Variants in CSMD1 observed in about 807,000 individuals in gnomAD.
CSMD1 encodes the protein CUB and sushi domain-containing protein 1.
A neutral mutation model predicts 417.5 loss-of-function variants in CSMD1; 213 were observed. The ratio of observed to expected loss-of-function variants is 0.51; its 90% confidence interval spans 0.46 to 0.57. The LOEUF is 0.57. Ranked by LOEUF, CSMD1 falls within the 20% of genes least tolerant of loss-of-function variation. CSMD1 has a pLI of 0.00. For synonymous variants in CSMD1, 2,862 were observed against 1,736.8 expected, an observed-to-expected ratio of 1.65 and a Z score of -16.11; for missense variants, 6,923 against 4,529.7, an observed-to-expected ratio of 1.53 and a Z score of -15.17.
intron 3 of CSMD1, among the ~76,000 whole-genome samples, chr8:4,287,969 A>G (rs1412686706): frequency 1.3e-5 from 2 of 152,128 alleles, no homozygotes; most frequent in Admixed American, 1.3e-4. Flanking sequence ...TCCCAAGACA[A>G]TATGATAATA....
In CSMD1 at chr8:4,083,578, G is replaced by C. The variant is rs181742964; in HGVS notation, c.416-51479C>G. ...TGATCTTTGACAAACCTGACAAAAA[G>C]AAGAAATGGGGAAAGGATTCCCTAT... On this transcript the variant is annotated intron_variant, in intron 3 of 69. Transcript: ENST00000635120. Among the ~76,000 whole-genome samples, 26 of 152,258 alleles carry C rather than the reference G, an allele frequency of 1.7e-4. No homozygotes were observed. The East Asian group carries it at 4.3e-3, about 25-fold the overall frequency.
intron 3 of CSMD1, among the ~76,000 whole-genome samples, chr8:4,397,722 A>T (rs1277984625): frequency 6.6e-6 from 1 of 152,062 alleles, no homozygotes; most frequent in Non-Finnish European, 1.5e-5. Flanking sequence ...CTAGATTTGA[A>T]TCTCAAAATA....
intron 5 of CSMD1, among the ~76,000 whole-genome samples, chr8:3,862,643 T>C (rs1224164288): frequency 6.6e-6 from 1 of 152,230 alleles, no homozygotes; most frequent in African/African-American, 2.4e-5. Flanking sequence ...ATAAACCAAA[T>C]CTCTAAATAT....
intron 2 of CSMD1, among the ~76,000 whole-genome samples, chr8:4,434,147 G>C (rs1313183715): frequency 1.3e-5 from 2 of 152,140 alleles, no homozygotes; most frequent in Non-Finnish European, 2.9e-5. Context: ...AGAACAGCTT[G>C]GCCAACATGG....
chr8:3,141,840 C>A (rs1380602501), intron 41 of CSMD1, among the ~76,000 whole-genome samples: 1 of 151,514 alleles, frequency 6.6e-6, no homozygotes, highest in African/African-American at 2.4e-5. Flanking sequence ...CTCTGTCGCC[C>A]AGGCTGGAGT....
intron 3 of CSMD1, among the ~76,000 whole-genome samples, chr8:4,204,451 G>T (rs577699749): frequency 1.3e-5 from 2 of 152,040 alleles, no homozygotes; most frequent in South Asian, 4.2e-4. Context: ...TTTCCTTCAT[G>T]AACACCTGAG....
chr8:3,589,543 G>C (rs1189624950), intron 8 of CSMD1, among the ~76,000 whole-genome samples: 1 of 152,216 alleles, frequency 6.6e-6, no homozygotes, highest in Non-Finnish European at 1.5e-5. Flanking sequence ...GACAAGTACT[G>C]CATGATCTCA....
intron 3 of CSMD1, among the ~76,000 whole-genome samples, chr8:4,355,361 C>T (rs886091076): frequency 6.6e-6 from 1 of 151,870 alleles, no homozygotes; most frequent in Non-Finnish European, 1.5e-5. Context: ...TATATACACA[C>T]ACACAAAACT....
intron 3 of CSMD1, among the ~76,000 whole-genome samples, chr8:4,297,053 A>G (rs1797724635): frequency 1.3e-5 from 2 of 149,376 alleles, no homozygotes; most frequent in Admixed American, 6.8e-5. Context: ...GCCAATAAAA[A>G]TGGTCGGATG....
intron 12 of CSMD1, among the ~76,000 whole-genome samples, chr8:3,418,981 C>G (rs561375609): frequency 6.6e-6 from 1 of 152,130 alleles, no homozygotes; most frequent in Non-Finnish European, 1.5e-5. Context: ...GAAATTTAGT[C>G]CTGAAAAATC....
intron 3 of CSMD1, among the ~76,000 whole-genome samples, chr8:4,235,769 C>T (rs898753977): frequency 6.6e-6 from 1 of 152,104 alleles, no homozygotes; most frequent in Non-Finnish European, 1.5e-5. Context: ...CCCATCTGGA[C>T]CCCTAGTCTT....
At chr8:3,409,307 C>G (rs1005240970) in intron 13 of CSMD1, 116 bp downstream of exon 13, 3 of 934,558 alleles carry the variant, frequency 3.2e-6, no homozygotes, top group Non-Finnish European at 4.4e-6. Flanking sequence ...ATGTGGCACC[C>G]CGAGCCATTC....
intron 5 of CSMD1, among the ~76,000 whole-genome samples, chr8:3,820,571 T>A (rs1023574606): frequency 1.3e-5 from 2 of 152,094 alleles, no homozygotes; most frequent in African/African-American, 4.8e-5. Flanking sequence ...GTGTTTTTGT[T>A]TTTGTTGTTG....
intron 2 of CSMD1, among the ~76,000 whole-genome samples, chr8:4,530,090 A>AT (rs1158990128): frequency 1.3e-5 from 2 of 150,874 alleles, no homozygotes; most frequent in Non-Finnish European, 3.0e-5. Context: ...AGTTTTTTGT[A>AT]TTTTAGTAGA....
intron 5 of CSMD1, among the ~76,000 whole-genome samples, chr8:3,777,923 T>G (rs1052494601): frequency 6.6e-6 from 1 of 151,528 alleles, no homozygotes; most frequent in Non-Finnish European, 1.5e-5. Context: ...ACCCGCAGCC[T>G]CCTTGAAGGG....
intron 51 of CSMD1, among the ~76,000 whole-genome samples, chr8:3,020,523 C>T: frequency 6.6e-6 from 1 of 152,140 alleles, no homozygotes; most frequent in Non-Finnish European, 1.5e-5. Flanking sequence ...CACCACCACG[C>T]TCAGCTATTT....
chr8:4,818,678 T>C (rs1223050309), intron 1 of CSMD1, among the ~76,000 whole-genome samples: 2 of 152,148 alleles, frequency 1.3e-5, no homozygotes, highest in Non-Finnish European at 2.9e-5. Flanking sequence ...ATGAATAAAT[T>C]AATAAACATT....
At chr8:3,636,109 A>G (rs183924874) in intron 7 of CSMD1, among the ~76,000 whole-genome samples, 1 of 152,240 alleles carries the variant, frequency 6.6e-6, no homozygotes, top group East Asian at 1.9e-4. Context: ...TTGTGTTAAG[A>G]ACTAAGGCAG....
At chr8:4,138,908 C>G (rs931266544) in intron 3 of CSMD1, among the ~76,000 whole-genome samples, 4 of 152,006 alleles carry the variant, frequency 2.6e-5, no homozygotes, top group Non-Finnish European at 5.9e-5. Context: ...ATAATTTAAT[C>G]CAGTCCTGCA....
Sources: allele counts gnomAD v4.1 joint callset (sites outside exome capture counted in the v4.1 genomes callset), GRCh38; gene constraint gnomAD v4.1.1; transcripts MANE v1.5; gene names NCBI Gene and HGNC (gene_info 2026-07-23, HGNC 2026-07-21).